MAPK8IP3: variants seen among roughly 807,000 people sequenced by gnomAD.
MAPK8IP3 encodes the protein C-Jun-amino-terminal kinase-interacting protein 3.
A neutral mutation model predicts 157.8 loss-of-function variants in MAPK8IP3; 49 were observed. The observed-to-expected ratio is 0.31, with a 90% CI of 0.25 to 0.39. MAPK8IP3 has a LOEUF of 0.39. MAPK8IP3 is among the 10% of genes least tolerant of loss of function. The pLI is 1.00. For synonymous variants in MAPK8IP3, 897 were observed against 777.7 expected (o/e 1.15, Z -2.55); for missense variants, 1,478 against 1,889.4 (o/e 0.78, Z 4.04).
Position 1,763,736 on chromosome 16 carries a change from G to A in MAPK8IP3, c.1978G>A (p.Gly660Ser). 6.3e-7 allele frequency: 1 copy of A among 1,593,492 alleles called. No individual in the cohort carries two copies. Among genetic ancestry groups the A allele is most frequent in the Non-Finnish European group, 8.6e-7 (1 of 1,168,782 alleles). Residue 660 changes from glycine to serine, a missense_variant, in exon 17 of 32, where the codon GGC becomes AGC. This residue lies in a region of MAPK8IP3 where 669 missense variants were observed against 759.8 expected (regional missense o/e 0.88). Coordinates refer to ENST00000610761, the MANE Select transcript of MAPK8IP3 (RefSeq NM_001318852.2). Reference protein sequence around the residue: ...QVREHVRNDDGRLQACGWSLP... With the variant: ...QVREHVRNDDSRLQACGWSLP... ...GCGTGAGCACGTGCGTAACGACGAC[G>A]GCCGTCTGCAGGCCTGCGGCTGGAG...
At chr16:1,748,442 C>A (rs2041098807) in intron 7 of MAPK8IP3, 96 bp downstream of exon 7, 2 of 1,221,876 alleles carry the variant, frequency 1.6e-6, no homozygotes, top group African/African-American at 1.5e-5. Flanking sequence ...ACTGGGAGAA[C>A]CATCAAGGCT....
At chr16:1,721,272 G>A (rs1567143242) in intron 1 of MAPK8IP3, among the ~76,000 whole-genome samples, 1 of 149,934 alleles carries the variant, frequency 6.7e-6, no homozygotes, top group Non-Finnish European at 1.5e-5. Context: ...GGCGGAGGTT[G>A]CGGTGAGCTG....
intron 1 of MAPK8IP3, among the ~76,000 whole-genome samples, chr16:1,711,671 G>C (rs1567133479): frequency 6.6e-6 from 1 of 152,200 alleles, no homozygotes; most frequent in African/African-American, 2.4e-5. Flanking sequence ...GCTGGGCGCA[G>C]TGGCTCACGC....
chr16:1,717,835 C>T (rs1453060244), intron 1 of MAPK8IP3, among the ~76,000 whole-genome samples: 1 of 151,884 alleles, frequency 6.6e-6, no homozygotes, highest in Admixed American at 6.6e-5. Context: ...CCCAAGTCCC[C>T]ACCACTGAAA....
rs142954927 is a variant in MAPK8IP3, at chr16:1,765,207, C to T, written c.2446+29C>T. The T allele has an allele frequency of 2.6e-3, 4,038 of 1,571,034 alleles. 22 individuals are homozygous for T. The highest frequency in any genetic ancestry group is 6.8e-3 in the Middle Eastern group (40 of 5,902). On this transcript the variant is annotated intron_variant, in intron 20 of 31. Coordinates refer to ENST00000610761, the MANE Select transcript of MAPK8IP3 (RefSeq NM_001318852.2). ...AGCAGCTGGAGTGGGCGTTTCCACT[C>T]GGGCGCCACTCCCTTTTACTAGCAA...
At chr16:1,768,048 A>G (rs776686240) in intron 28 of MAPK8IP3, 21 bp from the exon 29 acceptor site, 1 of 1,612,044 alleles carries the variant, frequency 6.2e-7, no homozygotes, top group Non-Finnish European at 8.5e-7. Context: ...CTCTTCTCCC[A>G]TGCTCCTCCC....
At chr16:1,755,605 T>C (rs547133391) in intron 8 of MAPK8IP3, among the ~76,000 whole-genome samples, 2 of 151,782 alleles carry the variant, frequency 1.3e-5, no homozygotes, top group South Asian at 2.1e-4. Flanking sequence ...TCCCAGCACA[T>C]TGGGAGGCCA....
intron 20 of MAPK8IP3, 95 bp downstream of exon 20, chr16:1,765,273 G>C (rs1316443594): frequency 1.4e-6 from 2 of 1,390,722 alleles, no homozygotes. Context: ...GCCTTCTCGG[G>C]GTGTCCTGTG....
chr16:1,708,255 A>G (rs995332345), intron 1 of MAPK8IP3, among the ~76,000 whole-genome samples: 1 of 152,156 alleles, frequency 6.6e-6, no homozygotes, highest in Non-Finnish European at 1.5e-5. Flanking sequence ...CGGCCTGGGC[A>G]CTTGCTTCCA....
At chr16:1,736,432 G>GAC (rs1402715482) in intron 4 of MAPK8IP3, among the ~76,000 whole-genome samples, 1 of 64,448 alleles carries the variant, frequency 1.6e-5, no homozygotes, top group African/African-American at 7.6e-5. Context: ...ATCCGTGTGA[G>GAC]CGTGTGACTG....
In MAPK8IP3 at chr16:1,724,263, A is replaced by G. The variant is rs565563119; in HGVS notation, c.319-294A>G. On this transcript the variant is annotated intron_variant, in intron 1 of 31. Coordinates refer to ENST00000610761, the MANE Select transcript of MAPK8IP3 (RefSeq NM_001318852.2). This position sits in a 1 kb window ranked among gnomAD's most constrained non-coding sequence, Gnocchi z 4.1. The stretch of plus-strand genomic sequence containing the variant: ...CTCATGCAGCCACGAAGGCAGCCGT[A>G]ATTGGAAACAACAGGCTCCCTTCAC... Among the ~76,000 whole-genome samples, 18 of 152,376 alleles carry G rather than the reference A, an allele frequency of 1.2e-4. No individual in the cohort carries two copies. The highest frequency in any genetic ancestry group is 4.3e-4 in the African/African-American group (18 of 41,604).
At chr16:1,717,330 C>T (rs916869830) in intron 1 of MAPK8IP3, among the ~76,000 whole-genome samples, 3 of 151,888 alleles carry the variant, frequency 2.0e-5, no homozygotes, top group Non-Finnish European at 4.4e-5. Context: ...GCCCTTTGGT[C>T]GTGGGAGGGA....
chr16:1,757,436 T>C (rs1037886787), intron 8 of MAPK8IP3, among the ~76,000 whole-genome samples: 4 of 152,184 alleles, frequency 2.6e-5, no homozygotes, highest in Admixed American at 2.0e-4. Context: ...TTCCTTTCTG[T>C]GTGAAACAAC....
At chr16:1,727,819 A>G (rs1022707188) in intron 2 of MAPK8IP3, among the ~76,000 whole-genome samples, 7 of 152,138 alleles carry the variant, frequency 4.6e-5, no homozygotes, top group Non-Finnish European at 1.0e-4. Context: ...GCCTCCAAGG[A>G]TGTGCCAGGC....
chr16:1,747,207 C>T lies in MAPK8IP3; in HGVS notation c.926C>T (p.Ala309Val). The change falls in exon 6 of 32, where the codon GCC becomes GTC. Residue 309 changes from alanine to valine, a missense_variant. This residue lies in a region of MAPK8IP3 where 315 missense variants were observed against 394.4 expected (regional missense o/e 0.80). Coordinates refer to ENST00000610761, the MANE Select transcript of MAPK8IP3 (RefSeq NM_001318852.2). ...YGVGSKNSKRAREKRDSRNME... is the reference protein window; with the variant it reads ...YGVGSKNSKRVREKRDSRNME... ...GTGGGCTCCAAGAACAGCAAGCGTGCCCGGGAGAAGCGCGACAGCCGCAAC... is the reference window on the plus strand; with the variant it reads ...GTGGGCTCCAAGAACAGCAAGCGTGTCCGGGAGAAGCGCGACAGCCGCAAC... The T allele has an allele frequency of 6.2e-7, 1 of 1,613,816 alleles. No individual in the cohort carries two copies. The highest frequency in any genetic ancestry group is 8.5e-7 in the Non-Finnish European group (1 of 1,180,026).
In MAPK8IP3 at chr16:1,741,531, C is replaced by T. The variant is rs571617517; in HGVS notation, c.603-1801C>T. Reference sequence around the variant, plus strand: ...CATCTGGTGACAGCCAGGACCGCATCGGCTTCGGTCTAGGGACTGAGACGT... The same window carrying T: ...CATCTGGTGACAGCCAGGACCGCATTGGCTTCGGTCTAGGGACTGAGACGT... On this transcript the variant is annotated intron_variant, in intron 4 of 31. Coordinates refer to ENST00000610761, the MANE Select transcript of MAPK8IP3 (RefSeq NM_001318852.2). The surrounding 1 kb of genome is among the most constrained non-coding windows in gnomAD (Gnocchi z 6.9). Among the ~76,000 whole-genome samples, 28 of 152,258 alleles carry T rather than the reference C, an allele frequency of 1.8e-4. No individual in the cohort carries two copies. The highest frequency in any genetic ancestry group is 5.2e-4 in the Admixed American group (8 of 15,300).
Position 1,729,545 on chromosome 16 carries a change from ACAGC to A in MAPK8IP3, c.573_576del (p.Ser191ArgfsTer18). On this transcript the variant is annotated frameshift_variant, in exon 4 of 32. Transcript: ENST00000610761. LOFTEE classifies it high-confidence loss of function. ...TCCAAGATGCAGCAGGTCGGAGGAA[ACAGC>A]CAGACCGAGAGCAGCCTGCCGGGGC... 6.2e-7 allele frequency: 1 copy of A among 1,611,186 alleles called. No homozygotes were observed. The highest frequency in any genetic ancestry group is 8.5e-7 in the Non-Finnish European group (1 of 1,178,936).
intron 8 of MAPK8IP3, among the ~76,000 whole-genome samples, chr16:1,754,164 ACT>A (rs2041460401): frequency 6.6e-6 from 1 of 150,394 alleles, no homozygotes. Flanking sequence ...TAAGAGCGAA[ACT>A]CTGTCTCAAA....
rs568786318 is a variant in MAPK8IP3 at position 1,742,069 on chromosome 16, T to C, written c.603-1263T>C. Among the ~76,000 whole-genome samples, 1 of 152,190 alleles carries C rather than the reference T, an allele frequency of 6.6e-6. No homozygotes were observed. Among genetic ancestry groups the C allele is most frequent in the African/African-American group, 2.4e-5 (1 of 41,518 alleles). On this transcript the variant is annotated intron_variant, in intron 4 of 31. Transcript: ENST00000610761. This position sits in a 1 kb window ranked among gnomAD's most constrained non-coding sequence, Gnocchi z 5.0. ...CCCTCCTACAGTCTCAGGGCTGAGA[T>C]GTAAGCAGCTGAGGCTGTGGTGCAA...
Sources: allele counts gnomAD v4.1 joint callset (sites outside exome capture counted in the v4.1 genomes callset), GRCh38; gene constraint gnomAD v4.1.1; regional missense constraint gnomAD v4.1.1; non-coding constraint Gnocchi (gnomAD v3.1); transcripts MANE v1.5; gene names NCBI Gene and HGNC (gene_info 2026-07-23, HGNC 2026-07-21).